PCNX3: variants seen among roughly 807,000 people sequenced by gnomAD.
The protein encoded by PCNX3 is pecanex-like protein 3.
A neutral mutation model predicts 207.2 loss-of-function variants in PCNX3; 58 were observed. That is an observed-to-expected ratio of 0.28 (90% CI 0.23 to 0.35). The LOEUF (loss-of-function observed/expected upper bound fraction) is 0.35, where lower values mean the gene tolerates loss of function less well. Ranked by LOEUF, PCNX3 falls within the 10% of genes least tolerant of loss-of-function variation. PCNX3 has a pLI of 1.00. For missense variants in PCNX3, 2,410 were observed against 2,774.4 expected (o/e 0.87, Z 2.95); for synonymous variants, 1,337 against 1,183.5 (o/e 1.13, Z -2.66).
At chr11:65,626,243 CGTGCCCTGCT>C (rs1565164628) in intron 20 of PCNX3, 189 bp downstream of exon 20, 1 of 829,636 alleles carries the variant, frequency 1.2e-6, no homozygotes, top group South Asian at 1.4e-5. Flanking sequence ...CTCTTCTCCT[CGTGCCCTGCT>C]GTGCCCTTCC....
At position 65,617,464 on chromosome 11, in the gene PCNX3, A is replaced by C. The variant is rs1428685158; in HGVS notation, c.442-6A>C. On this transcript the variant is annotated splice_region_variant and splice_polypyrimidine_tract_variant and intron_variant, in intron 3 of 34. Coordinates refer to ENST00000355703, the MANE Select transcript of PCNX3 (RefSeq NM_032223.4). ...TTTGTTCCTTCATGGCTCTCTGTCTACTCAGGAGCTGCTGCCCCGAATGGA... is the reference window on the plus strand; with the variant it reads ...TTTGTTCCTTCATGGCTCTCTGTCTCCTCAGGAGCTGCTGCCCCGAATGGA... 1.2e-6 allele frequency: 2 copies of C among 1,613,522 alleles called. No individual in the cohort carries two copies. Among genetic ancestry groups the C allele is most frequent in the African/African-American group, 1.3e-5 (1 of 74,884 alleles).
At chr11:65,632,134 G>A (rs151274507) in intron 27 of PCNX3, among the ~76,000 whole-genome samples, 30 of 152,258 alleles carry the variant, frequency 2.0e-4, no homozygotes, top group African/African-American at 6.0e-4. Flanking sequence ...AGGTTGAGAT[G>A]CACCTGGCCA....
At chr11:65,632,983 G>A (rs1855676255) in intron 27 of PCNX3, among the ~76,000 whole-genome samples, 1 of 152,022 alleles carries the variant, frequency 6.6e-6, no homozygotes, top group African/African-American at 2.4e-5. Flanking sequence ...GGGTTCAAGC[G>A]ATCCTCCCAC....
Position 65,637,229 on chromosome 11 carries a change from CA to C in PCNX3, c.*254del. ...AGCCTCCCAGCCAGGCCCTAAGAGC[CA>C]AACCATGGGCTGGTCCCACTTGGAG... On this transcript the variant is annotated 3_prime_UTR_variant, in exon 35 of 35. Transcript: ENST00000355703. The C allele has an allele frequency of 1.8e-6, 1 of 549,716 alleles. No individual in the cohort carries two copies. Among genetic ancestry groups the C allele is most frequent in the Non-Finnish European group, 3.3e-6 (1 of 306,844 alleles). 34.1% of individuals were successfully genotyped at this position (549,716 alleles called of 1,614,324 possible). A position where few individuals can be genotyped will look rare whatever the true frequency, so the allele number is the denominator to read the frequency against.
At chr11:65,619,491 T>C in intron 6 of PCNX3, 46 bp from the exon 7 acceptor site, 1 of 1,599,140 alleles carries the variant, frequency 6.3e-7, no homozygotes, top group Non-Finnish European at 8.5e-7. Flanking sequence ...CCCCCAGCCT[T>C]GTCTGAGCAT....
intron 20 of PCNX3, 176 bp downstream of exon 20, chr11:65,626,230 CGA>C: frequency 1.1e-6 from 1 of 901,920 alleles, no homozygotes; most frequent in Non-Finnish European, 1.8e-6. Context: ...CGCTCTCCAC[CGA>C]CTCTTCTCCT....
chr11:65,618,651 T>G lies in PCNX3; in HGVS notation c.1289T>G (p.Leu430Arg), dbSNP rs1285586526. 1.9e-6 allele frequency: 3 copies of G among 1,613,176 alleles called. No homozygotes were observed. The African/African-American group carries it at 4.0e-5, about 21-fold the overall frequency. Residue 430 changes from leucine to arginine, a missense_variant, in exon 6 of 35, where the codon CTG (leucine) becomes CGG (arginine). Leu to Arg is a moderately radical substitution (Grantham distance 102). Coordinates refer to ENST00000355703, the MANE Select transcript of PCNX3 (RefSeq NM_032223.4). ...GAAGACACTAGTGAGGGCAGTGAAC[T>G]GAGCCCGGCCTCCAGTCTCCGATCG... is the stretch of plus-strand genomic sequence containing the variant. ...EDEDTSEGSE[L>R]SPASSLRSQR...
At position 65,624,917 on chromosome 11, in the gene PCNX3, C is replaced by T. The variant is rs954539812; in HGVS notation, c.2828-8C>T. The stretch of plus-strand genomic sequence containing the variant: ...GAGAGCTGGGCTGTACTTCTCCCTT[C>T]CACACAGCTGCCACCAGCCCGCTCA... On this transcript the variant is annotated splice_region_variant and splice_polypyrimidine_tract_variant and intron_variant, in intron 15 of 34. Transcript: ENST00000355703. 10 of 1,604,662 alleles carry T rather than the reference C, an allele frequency of 6.2e-6. No homozygotes were observed. The highest frequency in any genetic ancestry group is 2.7e-5 in the African/African-American group (2 of 74,852).
intron 10 of PCNX3, among the ~76,000 whole-genome samples, chr11:65,621,261 C>A (rs370422907): frequency 3.3e-5 from 5 of 152,154 alleles, no homozygotes; most frequent in Admixed American, 1.3e-4. Context: ...ATGATACTTG[C>A]GGAAGTGGCA....
In PCNX3 at chr11:65,622,298, C is replaced by T; in HGVS notation, c.2289C>T (p.Tyr763=). ...CCCGGGCCCAGCATAGTTACAAGTACTGGCTTCTCCCTGGCCGCTGGACCT... is the reference window on the plus strand; with the variant it reads ...CCCGGGCCCAGCATAGTTACAAGTATTGGCTTCTCCCTGGCCGCTGGACCT... ...APPRAQHSYK[Y]WLLPGRWTSV... Residue 763 remains tyrosine (Y), a synonymous_variant, in exon 11 of 35, where the codon TAC becomes TAT. Transcript: ENST00000355703. 1 of 1,599,616 alleles carries T rather than the reference C, an allele frequency of 6.3e-7. No individual in the cohort carries two copies. The highest frequency in any genetic ancestry group is 8.5e-7 in the Non-Finnish European group (1 of 1,173,760).
chr11:65,619,408 C>T (rs1412489034), intron 6 of PCNX3, 129 bp from the exon 7 acceptor site: 3 of 1,456,152 alleles, frequency 2.1e-6, no homozygotes, highest in East Asian at 2.5e-5. Flanking sequence ...TGTGACCTGG[C>T]TGGGCCTCAG....
At position 65,623,946 on chromosome 11, in the gene PCNX3, G is replaced by A. The variant is rs372498320; in HGVS notation, c.2529G>A (p.Ala843=). 12 of 1,612,250 alleles carry A rather than the reference G, an allele frequency of 7.4e-6. No individual in the cohort carries two copies. Among genetic ancestry groups the A allele is most frequent in the East Asian group, 4.5e-5 (2 of 44,866 alleles). ...YSLLKSVQPD[A]ASPMHGHNWV... is the part of the protein sequence containing the mutation. ...TCTTCCAGAGCGTGCAGCCTGATGC[G>A]GCGTCCCCCATGCACGTGAGTACCC... Residue 843 remains alanine (A), a synonymous_variant, in exon 13 of 35, where the codon GCG becomes GCA. Coordinates refer to ENST00000355703, the MANE Select transcript of PCNX3 (RefSeq NM_032223.4).
In PCNX3 at chr11:65,626,035, C is replaced by T. The variant is rs905595536; in HGVS notation, c.3360C>T (p.Tyr1120=). ...AGCCCGTGCTGAAGCCGCTGGAGTA[C>T]AGCCAGTATGAAGTGCGCGGTGAGT... ...LSQPVLKPLE[Y]SQYEVRGAAQ... The change falls in exon 20 of 35, where the codon TAC becomes TAT. Residue 1120 remains tyrosine, a synonymous_variant. Transcript: ENST00000355703. 2.5e-6 allele frequency: 4 copies of T among 1,610,290 alleles called. No individual in the cohort carries two copies. Among genetic ancestry groups the T allele is most frequent in the East Asian group, 2.2e-5 (1 of 44,760 alleles).
chr11:65,630,259 G>A lies in PCNX3; in HGVS notation c.4217-92G>A, dbSNP rs1312234492. On this transcript the variant is annotated intron_variant, in intron 26 of 34. Transcript: ENST00000355703. ...CTGGCGTCCAAGGGGGTGAATGGCA[G>A]CAGGCCTCTGATGCCATGTTGGTCA... The A allele has an allele frequency of 2.7e-6, 4 of 1,485,218 alleles. No individual in the cohort carries two copies. In the Admixed American group the frequency reaches 8.4e-5, roughly 31 times the overall value. The allele number at this position is 1,485,218 out of a possible 1,614,324, so 92.0% of individuals were successfully genotyped here. A position where few individuals can be genotyped will look rare whatever the true frequency, so the allele number is the denominator to read the frequency against.
At chr11:65,623,778 T>C in intron 12 of PCNX3, 134 bp downstream of exon 12, 1 of 1,518,898 alleles carries the variant, frequency 6.6e-7, no homozygotes, top group Non-Finnish European at 9.0e-7. Context: ...TGGCCAGCTC[T>C]TTTACAAGCA....
rs1408128769 is a variant in PCNX3, at chr11:65,625,174, C to T, written c.2923C>T (p.Pro975Ser). The stretch of plus-strand genomic sequence containing the variant: ...CCAGCATGGATTCTCTCCGCAGACT[C>T]CGTGGCCAGAGCAGCACGTCCCTGT... ...YGFCLGAIKT[P>S]WPEQHVPVLF... The change falls in exon 17 of 35, where the codon CCG (proline) becomes TCG (serine). Residue 975 changes from proline to serine, a missense_variant. Pro to Ser is a moderately conservative substitution (Grantham distance 74). Coordinates refer to ENST00000355703, the MANE Select transcript of PCNX3 (RefSeq NM_032223.4). The surrounding 1 kb of genome is among the most constrained non-coding windows in gnomAD (Gnocchi z 5.6). 3.1e-6 allele frequency: 5 copies of T among 1,605,764 alleles called. No homozygotes were observed. Among genetic ancestry groups the T allele is most frequent in the African/African-American group, 1.3e-5 (1 of 74,900 alleles).
chr11:65,629,013 C>A, intron 24 of PCNX3, 65 bp downstream of exon 24: 1 of 1,581,890 alleles, frequency 6.3e-7, no homozygotes. Context: ...GGAGCCCAGG[C>A]TGGAGGCCAC....
intron 20 of PCNX3, 54 bp from the exon 21 acceptor site, chr11:65,626,834 TAGGGAAGGACTTCCTC>T: frequency 6.5e-7 from 1 of 1,549,188 alleles, no homozygotes; most frequent in Non-Finnish European, 8.7e-7. Flanking sequence ...CCTGCCCTCC[TAGGGAAGGACTTCCTC>T]AGGGAAGGCA....
intron 24 of PCNX3, 148 bp downstream of exon 24, chr11:65,629,096 C>T: frequency 7.9e-7 from 1 of 1,259,500 alleles, no homozygotes; most frequent in East Asian, 2.5e-5. Context: ...AGATCCAATG[C>T]AGGGAGAGCC....
Sources: allele counts gnomAD v4.1 joint callset (sites outside exome capture counted in the v4.1 genomes callset), GRCh38; gene constraint gnomAD v4.1.1; non-coding constraint Gnocchi (gnomAD v3.1); transcripts MANE v1.5; gene names NCBI Gene and HGNC (gene_info 2026-07-23, HGNC 2026-07-21).